Variants in ZNF521 observed in about 807,000 individuals in gnomAD.
ZNF521 encodes zinc finger protein 521, also known as LYST-interacting protein 3.
In ZNF521, 14 loss-of-function variants were observed where a neutral mutation model predicts 105.5. The observed-to-expected ratio is 0.13, with a 90% confidence interval of 0.09 to 0.21. The LOEUF (loss-of-function observed/expected upper bound fraction) is 0.21. Among genes scored for constraint, ZNF521 ranks in the 10% least tolerant of loss-of-function variants. The probability of loss-of-function intolerance (pLI) is 1.00; values close to 1 mark genes in which losing one functional copy is unlikely to be tolerated. For missense variants in ZNF521, 1,233 were observed against 1,629.7 expected (o/e 0.76, Z 4.19); for synonymous variants, 635 against 606.0 (o/e 1.05, Z -0.70).
At chr18:25,277,565 G>C in intron 3 of ZNF521, among the ~76,000 whole-genome samples, 1 of 152,154 alleles carries the variant, frequency 6.6e-6, no homozygotes, top group Non-Finnish European at 1.5e-5. Context: ...GAGTGCCAAA[G>C]GCTCAGTGGA....
intron 7 of ZNF521, among the ~76,000 whole-genome samples, chr18:25,077,804 G>GA (rs1026980545): frequency 2.0e-5 from 3 of 151,090 alleles, no homozygotes; most frequent in African/African-American, 4.9e-5. Flanking sequence ...GAATATTTAA[G>GA]AAAAAAAAGA....
At chr18:25,110,314 G>A (rs2034159437) in intron 5 of ZNF521, among the ~76,000 whole-genome samples, 1 of 152,226 alleles carries the variant, frequency 6.6e-6, no homozygotes, top group African/African-American at 2.4e-5. Flanking sequence ...GAGGTGAGGA[G>A]AGGTGGGCCT....
Position 25,352,030 on chromosome 18 carries a change from G to C in ZNF521, c.-27C>G, listed in dbSNP as rs1206994156. On this transcript the variant is annotated 5_prime_UTR_variant, in exon 1 of 8. Transcript: ENST00000361524. The stretch of plus-strand genomic sequence containing the variant: ...CTGCAAGGTCTTGGACTGCGCTGTC[G>C]CTCCGGTAGTCCACATAATAATGGA... 6.2e-6 allele frequency: 3 copies of C among 484,680 alleles called. No homozygotes were observed. The highest frequency in any genetic ancestry group is 1.2e-5 in the Non-Finnish European group (3 of 240,126). The allele number at this position is 484,680 out of a possible 1,614,324, so 30.0% of individuals were successfully genotyped here. A position where few individuals can be genotyped will look rare whatever the true frequency, so the allele number is the denominator to read the frequency against.
At chr18:25,068,097 C>A (rs918997619) in intron 7 of ZNF521, among the ~76,000 whole-genome samples, 1 of 152,018 alleles carries the variant, frequency 6.6e-6, no homozygotes, top group Non-Finnish European at 1.5e-5. Context: ...ATTAGAAACC[C>A]GAATTTAAAC....
chr18:25,306,931 C>G (rs770056750), intron 3 of ZNF521, among the ~76,000 whole-genome samples: 6 of 151,346 alleles, frequency 4.0e-5, no homozygotes, highest in Admixed American at 6.6e-5. Flanking sequence ...GTGCTTTAAA[C>G]AATTCTACCC....
intron 7 of ZNF521, among the ~76,000 whole-genome samples, chr18:25,071,890 G>A (rs974188559): frequency 6.6e-6 from 1 of 152,140 alleles, no homozygotes; most frequent in Non-Finnish European, 1.5e-5. Flanking sequence ...TGCCTGGTGC[G>A]GGAGAGATGA....
At chr18:25,195,447 C>A (rs2035886426) in intron 4 of ZNF521, among the ~76,000 whole-genome samples, 1 of 151,614 alleles carries the variant, frequency 6.6e-6, no homozygotes, top group Admixed American at 6.6e-5. Context: ...CATTTGCAGA[C>A]ATTTAGAAGA....
chr18:25,264,468 T>A (rs1264406768), intron 3 of ZNF521, among the ~76,000 whole-genome samples: 1 of 152,334 alleles, frequency 6.6e-6, no homozygotes, highest in Non-Finnish European at 1.5e-5. Context: ...TTCACTGGGA[T>A]CAGCTCATTT....
rs78795771 is a variant in ZNF521 at position 25,185,973 on chromosome 18, AT to A, written c.3658+9186del. Among the ~76,000 whole-genome samples, 43 of 152,282 alleles carry A rather than the reference AT, an allele frequency of 2.8e-4. No individual in the cohort carries two copies. In the East Asian group the frequency reaches 7.1e-3, roughly 25 times the overall value. On this transcript the variant is annotated intron_variant, in intron 5 of 7. Transcript: ENST00000361524. Reference sequence around the variant, plus strand: ...AATATAAACAGGCTCTCCGTTTTCTATTTTTATCCCTCATAAAATGAACTGA... The same window carrying A: ...AATATAAACAGGCTCTCCGTTTTCTATTTTATCCCTCATAAAATGAACTGA...
In ZNF521 at chr18:25,117,077, ACACACATACACAC is replaced by A. The variant is rs1448419683; in HGVS notation, c.3659-25009_3659-24997del. 7.0e-3 allele frequency among the ~76,000 whole-genome samples: 121 copies of A among 17,242 alleles called. 2 individuals are homozygous for A. The highest frequency in any genetic ancestry group is 0.029 in the Middle Eastern group (1 of 34). 11.3% of individuals were successfully genotyped at this position (17,242 alleles called of 152,430 possible). A position where few individuals can be genotyped will look rare whatever the true frequency, so the allele number is the denominator to read the frequency against. On this transcript the variant is annotated intron_variant, in intron 5 of 7. Coordinates refer to ENST00000361524, the MANE Select transcript of ZNF521 (RefSeq NM_015461.3). The stretch of plus-strand genomic sequence containing the variant: ...TATACACACACACACACACACACAC[ACACACATACACAC>A]ATCCTTAATTAGATTGCTTCCAGTC...
At chr18:25,259,130 A>G (rs1313137865) in intron 3 of ZNF521, among the ~76,000 whole-genome samples, 2 of 152,148 alleles carry the variant, frequency 1.3e-5, no homozygotes, top group Non-Finnish European at 2.9e-5. Flanking sequence ...TTTCAACAAC[A>G]TGGCAGCTAA....
rs1415219572 is a variant in ZNF521 at position 25,129,278 on chromosome 18, ATTAT to A, written c.3659-37201_3659-37198del. The stretch of plus-strand genomic sequence containing the variant: ...AATAATAATAATAATTATTATTATT[ATTAT>A]TAATTAATCTGTGTCTAGATTTCTA... On this transcript the variant is annotated intron_variant, in intron 5 of 7. Coordinates refer to ENST00000361524, the MANE Select transcript of ZNF521 (RefSeq NM_015461.3). 7.3e-3 allele frequency among the ~76,000 whole-genome samples: 1,062 copies of A among 146,112 alleles called. 32 individuals are homozygous for A. The highest frequency in any genetic ancestry group is 0.06 in the Admixed American group (869 of 14,548).
At chr18:25,300,414 C>A (rs1661655626) in intron 3 of ZNF521, among the ~76,000 whole-genome samples, 2 of 152,136 alleles carry the variant, frequency 1.3e-5, no homozygotes, top group Admixed American at 6.5e-5. Flanking sequence ...TAGACATATA[C>A]ACACTCGATG....
At chr18:25,209,348 T>C (rs2036137603) in intron 4 of ZNF521, among the ~76,000 whole-genome samples, 1 of 152,104 alleles carries the variant, frequency 6.6e-6, no homozygotes, top group African/African-American at 2.4e-5. Flanking sequence ...GCCAGGCTCA[T>C]GATCTACCCA....
intron 7 of ZNF521, among the ~76,000 whole-genome samples, chr18:25,087,054 G>A (rs1164383338): frequency 6.6e-6 from 1 of 152,174 alleles, no homozygotes; most frequent in Admixed American, 6.5e-5. Flanking sequence ...GATATGTGAT[G>A]ACATCATCTC....
intron 2 of ZNF521, among the ~76,000 whole-genome samples, chr18:25,329,744 T>G (rs1360208603): frequency 6.6e-6 from 1 of 152,136 alleles, no homozygotes; most frequent in African/African-American, 2.4e-5. Flanking sequence ...TGATGGATTT[T>G]AAGTAGGGGA....
intron 7 of ZNF521, among the ~76,000 whole-genome samples, chr18:25,078,784 C>T (rs978574093): frequency 6.6e-6 from 1 of 152,212 alleles, no homozygotes; most frequent in Non-Finnish European, 1.5e-5. Flanking sequence ...CTTGGGTTGG[C>T]TATGAACGAG....
chr18:25,225,865 T>C lies in ZNF521; in HGVS notation c.2053A>G (p.Ile685Val), dbSNP rs758583102. 1 of 1,614,204 alleles carries C rather than the reference T, an allele frequency of 6.2e-7. No individual in the cohort carries two copies. Among genetic ancestry groups the C allele is most frequent in the African/African-American group, 1.3e-5 (1 of 75,068 alleles). ...NQESLLKHVT[I>V]HFMITSTYYI... Reference sequence around the variant, plus strand: ...TACGTTGAAGTGATCATAAAGTGAATGGTAACATGCTTCAGCAAGGATTCT... The same window carrying C: ...TACGTTGAAGTGATCATAAAGTGAACGGTAACATGCTTCAGCAAGGATTCT... The change falls in exon 4 of 8, where the codon ATT becomes GTT. Residue 685 changes from isoleucine to valine, a missense_variant. Coordinates refer to ENST00000361524, the MANE Select transcript of ZNF521 (RefSeq NM_015461.3). The surrounding 1 kb of genome is among the most constrained non-coding windows in gnomAD (Gnocchi z 5.6).
chr18:25,171,564 G>T (rs1253742478), intron 5 of ZNF521, among the ~76,000 whole-genome samples: 1 of 152,076 alleles, frequency 6.6e-6, no homozygotes, highest in Admixed American at 6.6e-5. Context: ...TTCAGATTTT[G>T]CAATAGAACA....
Sources: allele counts gnomAD v4.1 joint callset (sites outside exome capture counted in the v4.1 genomes callset), GRCh38; gene constraint gnomAD v4.1.1; non-coding constraint Gnocchi (gnomAD v3.1); transcripts MANE v1.5; gene names NCBI Gene and HGNC (gene_info 2026-07-23, HGNC 2026-07-21).